The following PSMB7 variants were observed in gnomAD, a reference collection of about 807,000 sequenced individuals.
The protein encoded by PSMB7 is proteasome subunit beta type-7.
In PSMB7, 5 loss-of-function variants were observed where a neutral mutation model predicts 28.1. The observed-to-expected ratio is 0.18, with a 90% CI of 0.09 to 0.37. The LOEUF (loss-of-function observed/expected upper bound fraction) is 0.37. Among genes scored for constraint, PSMB7 ranks in the 10% least tolerant of loss-of-function variants. The pLI is 1.00. For missense variants in PSMB7, 275 were observed against 346.2 expected (o/e 0.79, Z 1.63); for synonymous variants, 122 against 123.7 (o/e 0.99, Z 0.09).
At chr9:124,369,890 GC>G (rs1350178977) in intron 6 of PSMB7, among the ~76,000 whole-genome samples, 1 of 152,150 alleles carries the variant, frequency 6.6e-6, no homozygotes, top group Non-Finnish European at 1.5e-5. Flanking sequence ...TACCCCTACT[GC>G]CCACTGTATG....
intron 5 of PSMB7, among the ~76,000 whole-genome samples, chr9:124,399,797 A>C (rs937195157): frequency 6.6e-6 from 1 of 152,200 alleles, no homozygotes. Flanking sequence ...CGCCACCACC[A>C]CTGGATTCGT....
intron 5 of PSMB7, among the ~76,000 whole-genome samples, chr9:124,396,455 T>C (rs1304001930): frequency 2.6e-5 from 4 of 152,224 alleles, no homozygotes; most frequent in Admixed American, 6.5e-5. Flanking sequence ...TCCAGCATGC[T>C]TACTACTCTG....
At chr9:124,396,966 C>A in intron 5 of PSMB7, 2 of 369,500 alleles carry the variant, frequency 5.4e-6, no homozygotes, top group Admixed American at 7.3e-5. Flanking sequence ...TCTTGCCTAG[C>A]TTTTAACAAT....
intron 6 of PSMB7, among the ~76,000 whole-genome samples, chr9:124,378,225 G>A (rs930295996): frequency 2.0e-5 from 3 of 152,170 alleles, no homozygotes; most frequent in Non-Finnish European, 2.9e-5. Context: ...TATCTGCTGT[G>A]GCATGGCTCT....
intron 6 of PSMB7, among the ~76,000 whole-genome samples, 200 bp from the exon 7 acceptor site, chr9:124,357,115 T>C (rs970331472): frequency 1.3e-5 from 2 of 152,202 alleles, no homozygotes; most frequent in Non-Finnish European, 2.9e-5. Flanking sequence ...TTTAAAACTT[T>C]TTATGCATGC....
intron 6 of PSMB7, among the ~76,000 whole-genome samples, chr9:124,379,567 G>C (rs79069085): frequency 0.021 from 3,260 of 152,334 alleles, 45 homozygotes; most frequent in Admixed American, 0.04. Flanking sequence ...CAGGAACTGA[G>C]GACTTTTACT....
intron 5 of PSMB7, among the ~76,000 whole-genome samples, chr9:124,398,736 G>T (rs1046348945): frequency 2.0e-5 from 3 of 152,258 alleles, no homozygotes; most frequent in African/African-American, 7.2e-5. Flanking sequence ...CACATCTGTA[G>T]GATGATAAAA....
chr9:124,386,769 T>G (rs1383461725), intron 5 of PSMB7, among the ~76,000 whole-genome samples: 2 of 152,226 alleles, frequency 1.3e-5, no homozygotes, highest in Non-Finnish European at 2.9e-5. Context: ...TAAAGGCATT[T>G]TTCCTTAAAA....
intron 6 of PSMB7, chr9:124,384,305 A>G (rs1830697435): frequency 5.7e-6 from 2 of 352,624 alleles, no homozygotes; most frequent in Non-Finnish European, 1.0e-5. Context: ...CTTGGTGCGC[A>G]AGAAAACATT....
intron 6 of PSMB7, 34 bp downstream of exon 6, chr9:124,384,564 T>G (rs759413038): frequency 4.4e-6 from 7 of 1,581,468 alleles, no homozygotes; most frequent in South Asian, 1.2e-5. Flanking sequence ...AGAAAAATCT[T>G]TGAAAAAGAA....
chr9:124,391,320 T>C (rs1830785073), intron 5 of PSMB7, among the ~76,000 whole-genome samples: 1 of 152,242 alleles, frequency 6.6e-6, no homozygotes, highest in Non-Finnish European at 1.5e-5. Flanking sequence ...GTGTGCGATG[T>C]TCTTTCCATT....
intron 6 of PSMB7, among the ~76,000 whole-genome samples, chr9:124,368,435 T>G (rs1830529590): frequency 6.6e-6 from 1 of 152,202 alleles, no homozygotes; most frequent in African/African-American, 2.4e-5. Flanking sequence ...TTTGGTAAAA[T>G]TAAACACATC....
intron 6 of PSMB7, among the ~76,000 whole-genome samples, chr9:124,371,703 G>A (rs547700819): frequency 6.6e-6 from 1 of 152,330 alleles, no homozygotes; most frequent in South Asian, 2.1e-4. Flanking sequence ...TTTGAAGAGA[G>A]CGGTGAAGTC....
chr9:124,364,610 C>A (rs775164267), intron 6 of PSMB7, among the ~76,000 whole-genome samples: 3 of 151,694 alleles, frequency 2.0e-5, no homozygotes, highest in Non-Finnish European at 4.4e-5. Flanking sequence ...CAGGCTGTGG[C>A]AGATACTAAT....
Position 124,354,852 on chromosome 9 carries a change from G to A in PSMB7, c.723-1143C>T, listed in dbSNP as rs147712581. On this transcript the variant is annotated intron_variant, in intron 7 of 7. Coordinates refer to ENST00000259457, the MANE Select transcript of PSMB7 (RefSeq NM_002799.4). The stretch of plus-strand genomic sequence containing the variant: ...CTCTGAACCACCCCTCAGTGTCTCC[G>A]GGAGGCTTGGACACACAAGAGCCTC... 4.4e-3 allele frequency among the ~76,000 whole-genome samples: 664 copies of A among 152,280 alleles called. 7 individuals are homozygous for A. The highest frequency in any genetic ancestry group is 7.0e-3 in the Non-Finnish European group (477 of 68,010).
chr9:124,361,407 C>G (rs889808126), intron 6 of PSMB7, among the ~76,000 whole-genome samples: 6 of 152,220 alleles, frequency 3.9e-5, no homozygotes. Flanking sequence ...GTCACCACAG[C>G]TGTACCCGAG....
chr9:124,403,762 T>G (rs575317329), intron 5 of PSMB7, among the ~76,000 whole-genome samples: 1 of 152,114 alleles, frequency 6.6e-6, no homozygotes, highest in African/African-American at 2.4e-5. Context: ...CCCTCAGAGA[T>G]TAAGTAGTAA....
intron 4 of PSMB7, among the ~76,000 whole-genome samples, chr9:124,407,405 T>C (rs1830977484): frequency 6.6e-6 from 1 of 152,130 alleles, no homozygotes; most frequent in Non-Finnish European, 1.5e-5. Flanking sequence ...GGGAAGAAAC[T>C]GGTCCAAGGC....
chr9:124,385,448 C>T (rs1158524700), intron 5 of PSMB7, among the ~76,000 whole-genome samples: 2 of 152,170 alleles, frequency 1.3e-5, no homozygotes, highest in African/African-American at 4.8e-5. Flanking sequence ...GGCAGCTAAG[C>T]ACTCCTTGAA....
Sources: allele counts gnomAD v4.1 joint callset (sites outside exome capture counted in the v4.1 genomes callset), GRCh38; gene constraint gnomAD v4.1.1; transcripts MANE v1.5; gene names NCBI Gene and HGNC (gene_info 2026-07-23, HGNC 2026-07-21).